Variants in METTL1 observed in about 807,000 individuals in gnomAD.
METTL1 encodes the protein tRNA (guanine-N(7)-)-methyltransferase.
Under a neutral mutation model 27.7 loss-of-function variants are expected in METTL1, and 14 were observed. The observed-to-expected ratio is 0.51, with a 90% CI of 0.33 to 0.79. The LOEUF (loss-of-function observed/expected upper bound fraction) is 0.79, where lower values mean the gene tolerates loss of function less well. Among genes scored for constraint, METTL1 ranks in the 30% least tolerant of loss-of-function variants. METTL1 has a pLI of 0.02. For missense variants in METTL1, 333 were observed against 359.6 expected (o/e 0.93, Z 0.60); for synonymous variants, 138 against 137.0 (o/e 1.01, Z -0.05).
In METTL1 at chr12:57,769,694, ACAC is replaced by A; in HGVS notation, c.460-19_460-17del. 6.3e-7 allele frequency: 1 copy of A among 1,592,444 alleles called. No homozygotes were observed. Among genetic ancestry groups the A allele is most frequent in the African/African-American group, 1.3e-5 (1 of 74,552 alleles). On this transcript the variant is annotated splice_polypyrimidine_tract_variant and intron_variant, in intron 3 of 5. Coordinates refer to ENST00000324871, the MANE Select transcript of METTL1 (RefSeq NM_005371.6). ...TCTTTGTCAGCTGTGAGACAGACAC[ACAC>A]CAACAGGGTTGTGAGAGCCTGGCCT...
chr12:57,772,102 C>G lies in METTL1; in HGVS notation c.-19G>C, dbSNP rs769611329. ...CTGCCATGATCCCAGTCCGGGGTTT[C>G]TCTACCAAATCCACGTGGAGGCGCA... On this transcript the variant is annotated 5_prime_UTR_variant, in exon 1 of 6. Coordinates refer to ENST00000324871, the MANE Select transcript of METTL1 (RefSeq NM_005371.6). This position sits in a 1 kb window ranked among gnomAD's most constrained non-coding sequence, Gnocchi z 4.1. The G allele has an allele frequency of 1.3e-6, 2 of 1,571,972 alleles. No homozygotes were observed. The highest frequency in any genetic ancestry group is 2.0e-5 in the Admixed American group (1 of 49,088).
intron 4 of METTL1, 51 bp downstream of exon 4, chr12:57,769,514 A>G (rs1296187523): frequency 2.6e-6 from 4 of 1,560,376 alleles, no homozygotes; most frequent in Non-Finnish European, 3.5e-6. Flanking sequence ...TTCTTAGTGA[A>G]GGGCCCCTGA....
rs780018528 is a variant in METTL1, at chr12:57,769,875, C to T, written c.356G>A (p.Arg119Gln). 14 of 1,613,948 alleles carry T rather than the reference C, an allele frequency of 8.7e-6. No individual in the cohort carries two copies. The highest frequency in any genetic ancestry group is 1.1e-5 in the Non-Finnish European group (13 of 1,179,984). Residue 119 changes from arginine to glutamine, a missense_variant, in exon 3 of 6, where the codon CGG (arginine) becomes CAG (glutamine). Transcript: ENST00000324871. ...RVKVSDYVQD[R>Q]IRALRAAPAG... is the part of the protein sequence containing the mutation. ...AGGAGCTGCGCGTAGGGCCCGAATC[C>T]GGTCTTGTACATAGTCTGAGACCTT...
intron 2 of METTL1, 103 bp from the exon 3 acceptor site, chr12:57,770,059 A>G: frequency 8.5e-7 from 1 of 1,182,622 alleles, no homozygotes; most frequent in South Asian, 1.5e-5. Flanking sequence ...ACCAAAGTCC[A>G]GAACGGCAAG....
At chr12:57,771,477 G>A (rs1266356505) in intron 1 of METTL1, 13 of 1,503,374 alleles carry the variant, frequency 8.6e-6, no homozygotes, top group Non-Finnish European at 1.1e-5. Flanking sequence ...CATAAACGCT[G>A]ACCTGCCCAA....
rs1955390907 is a variant in METTL1, at chr12:57,768,879, C to T, written c.*117G>A. The T allele has an allele frequency of 2.2e-6, 3 of 1,352,258 alleles. No homozygotes were observed. In the African/African-American group the frequency reaches 4.3e-5, roughly 20 times the overall value. 83.8% of individuals were successfully genotyped at this position (1,352,258 alleles called of 1,614,324 possible). On this transcript the variant is annotated 3_prime_UTR_variant, in exon 6 of 6. Coordinates refer to ENST00000324871, the MANE Select transcript of METTL1 (RefSeq NM_005371.6). ...GGGTTCTGCCCTGGGCAGCTCCCCA[C>T]CTTCTTTAAGAGAGTACTGTGTCTC...
intron 1 of METTL1, 145 bp downstream of exon 1, chr12:57,771,829 C>G: frequency 8.6e-7 from 1 of 1,157,610 alleles, no homozygotes; most frequent in Non-Finnish European, 1.2e-6. Context: ...TCGGTCGAAT[C>G]TCCCGGTCCC....
In METTL1 at chr12:57,772,105, T is replaced by C. The variant is rs2140405197; in HGVS notation, c.-22A>G. 1.3e-6 allele frequency: 2 copies of C among 1,571,716 alleles called. No individual in the cohort carries two copies. The highest frequency in any genetic ancestry group is 1.7e-6 in the Non-Finnish European group (2 of 1,165,432). On this transcript the variant is annotated 5_prime_UTR_variant, in exon 1 of 6. Coordinates refer to ENST00000324871, the MANE Select transcript of METTL1 (RefSeq NM_005371.6). This position sits in a 1 kb window ranked among gnomAD's most constrained non-coding sequence, Gnocchi z 4.1. The stretch of plus-strand genomic sequence containing the variant: ...CCATGATCCCAGTCCGGGGTTTCTC[T>C]ACCAAATCCACGTGGAGGCGCAGGC...
At chr12:57,771,361 G>A in intron 1 of METTL1, 104 bp from the exon 2 acceptor site, 1 of 1,491,188 alleles carries the variant, frequency 6.7e-7, no homozygotes, top group Non-Finnish European at 8.9e-7. Flanking sequence ...GTAAAAGGGA[G>A]GAGGGTTTCT....
intron 4 of METTL1, 58 bp from the exon 5 acceptor site, chr12:57,769,462 A>G (rs762796100): frequency 6.2e-7 from 1 of 1,604,668 alleles, no homozygotes; most frequent in Non-Finnish European, 8.5e-7. Flanking sequence ...CAGCCAGATG[A>G]AGGAAGTGGT....
At chr12:57,770,897 C>G (rs1283967529) in intron 2 of METTL1, 197 bp downstream of exon 2, 1 of 549,470 alleles carries the variant, frequency 1.8e-6, no homozygotes, top group Non-Finnish European at 3.2e-6. Flanking sequence ...TTTTAAGAAG[C>G]ATTTGAGGCA....
In METTL1 at chr12:57,771,972, A is replaced by G. The variant is rs111408730; in HGVS notation, c.110+2T>C. 1.3e-6 allele frequency: 2 copies of G among 1,513,902 alleles called. No individual in the cohort carries two copies. The highest frequency in any genetic ancestry group is 2.5e-5 in the Admixed American group (1 of 40,268). 93.8% of individuals were successfully genotyped at this position (1,513,902 alleles called of 1,614,324 possible). A position where few individuals can be genotyped will look rare whatever the true frequency, so the allele number is the denominator to read the frequency against. The stretch of plus-strand genomic sequence containing the variant: ...CTCTCTCTCCCTCTGCCCACTCCTC[A>G]CTAGCGCAGCGTGTGGTCCGCCATG... On this transcript the variant is annotated splice_donor_variant, in intron 1 of 5. Transcript: ENST00000324871. LOFTEE classifies it high-confidence loss of function.
intron 1 of METTL1, chr12:57,771,650 T>C (rs1431774736): frequency 1.3e-6 from 2 of 1,523,174 alleles, no homozygotes; most frequent in Middle Eastern, 1.7e-4. Context: ...GGATTGTGTA[T>C]ATGTTTGCCT....
intron 2 of METTL1, 82 bp downstream of exon 2, chr12:57,771,012 A>T: frequency 6.7e-7 from 1 of 1,502,986 alleles, no homozygotes; most frequent in Middle Eastern, 2.5e-4. Context: ...GGAAAGGCCA[A>T]TTATGACCCC....
At chr12:57,769,537 C>T (rs749868719) in intron 4 of METTL1, 28 bp downstream of exon 4, 1 of 1,560,982 alleles carries the variant, frequency 6.4e-7, no homozygotes, top group Non-Finnish European at 8.7e-7. Flanking sequence ...AGGCCACTCA[C>T]CCCATCATCC....
chr12:57,771,322 G>A, intron 1 of METTL1, 65 bp from the exon 2 acceptor site: 5 of 1,091,848 alleles, frequency 4.6e-6, no homozygotes, highest in Non-Finnish European at 4.0e-6. Flanking sequence ...GTGGTACTGT[G>A]AGAGTGTGTG....
intron 1 of METTL1, 110 bp downstream of exon 1, chr12:57,771,864 T>C: frequency 7.6e-7 from 1 of 1,314,192 alleles, no homozygotes; most frequent in Non-Finnish European, 1.0e-6. Flanking sequence ...ACGTCACCCA[T>C]CTGATCCTCC....
rs749778866 is a variant in METTL1 at position 57,772,087 on chromosome 12, C to A, written c.-4G>T. On this transcript the variant is annotated 5_prime_UTR_variant, in exon 1 of 6. Coordinates refer to ENST00000324871, the MANE Select transcript of METTL1 (RefSeq NM_005371.6). This position sits in a 1 kb window ranked among gnomAD's most constrained non-coding sequence, Gnocchi z 4.1. ...CGTTCCGAGTCTCGGCTGCCATGATCCCAGTCCGGGGTTTCTCTACCAAAT... is the reference window on the plus strand; with the variant it reads ...CGTTCCGAGTCTCGGCTGCCATGATACCAGTCCGGGGTTTCTCTACCAAAT... 6.4e-7 allele frequency: 1 copy of A among 1,570,294 alleles called. No homozygotes were observed. The highest frequency in any genetic ancestry group is 8.6e-7 in the Non-Finnish European group (1 of 1,165,072).
Position 57,769,150 on chromosome 12 carries a change from C to T in METTL1, c.677G>A (p.Ser226Asn). The T allele has an allele frequency of 1.9e-6, 3 of 1,600,056 alleles. No individual in the cohort carries two copies. Among genetic ancestry groups the T allele is most frequent in the Non-Finnish European group, 2.6e-6 (3 of 1,167,954 alleles). Residue 226 changes from serine (S) to asparagine (N), a missense_variant and splice_region_variant, in exon 6 of 6, where the codon AGT (serine) becomes AAT (asparagine). Ser to Asn is a conservative substitution (Grantham distance 46). Coordinates refer to ENST00000324871, the MANE Select transcript of METTL1 (RefSeq NM_005371.6). ...TAGATGTCCCACAACGGGGTCTTCA[C>T]TCTGGGAGAAGGAAGGGTCCAATAA... ...LFERVPLEDLSEDPVVGHLGT... is the reference protein window; with the variant it reads ...LFERVPLEDLNEDPVVGHLGT...
Sources: gnomAD v4.1 joint callset for allele counts on GRCh38, gnomAD v4.1.1 for gene constraint, Gnocchi (gnomAD v3.1) non-coding constraint, MANE v1.5 for transcripts, NCBI Gene and HGNC (gene_info 2026-07-23, HGNC 2026-07-21) for gene names.